The following GRIA4 variants were observed in gnomAD, a reference collection of about 807,000 sequenced individuals.
GRIA4 encodes the protein glutamate receptor 4.
In GRIA4, 34 loss-of-function variants were observed where a neutral mutation model predicts 104.0. The ratio of observed to expected loss-of-function variants is 0.33; its 90% CI spans 0.25 to 0.44. The LOEUF is 0.44. GRIA4 is among the 20% of genes least tolerant of loss of function. The probability of loss-of-function intolerance (pLI) is 1.00; values close to 1 mark genes in which losing one functional copy is unlikely to be tolerated. For missense variants in GRIA4, 750 were observed against 1,096.5 expected (o/e 0.68, Z 4.46); for synonymous variants, 386 against 381.9 (o/e 1.01, Z -0.13).
chr11:105,848,274 A>G (rs565186460), intron 4 of GRIA4, among the ~76,000 whole-genome samples: 42 of 152,334 alleles, frequency 2.8e-4, no homozygotes, highest in African/African-American at 9.4e-4. Flanking sequence ...TTGAAATTGT[A>G]AACTCTTGTG....
chr11:105,920,275 T>A (rs1486339101), intron 11 of GRIA4, among the ~76,000 whole-genome samples: 1 of 152,192 alleles, frequency 6.6e-6, no homozygotes, highest in African/African-American at 2.4e-5. Context: ...GACTGTTTCA[T>A]ATTGAGCTTT....
chr11:105,639,798 C>G (rs1951308309), intron 3 of GRIA4, among the ~76,000 whole-genome samples: 2 of 151,948 alleles, frequency 1.3e-5, no homozygotes, highest in Non-Finnish European at 2.9e-5. Flanking sequence ...CAGTGTTCTT[C>G]CATTGTTCCA....
intron 1 of GRIA4, chr11:105,610,657 T>C (rs1355735765): frequency 1.2e-5 from 3 of 245,038 alleles, no homozygotes; most frequent in African/African-American, 2.3e-5. Flanking sequence ...GAGGCAAAGA[T>C]AGAGCGCATG....
chr11:105,687,632 A>G (rs922906164), intron 3 of GRIA4, among the ~76,000 whole-genome samples: 2 of 152,230 alleles, frequency 1.3e-5, no homozygotes, highest in African/African-American at 4.8e-5. Context: ...TGCTGTCTAT[A>G]GATATAAAGC....
chr11:105,924,361 A>AT, intron 11 of GRIA4, 38 bp from the exon 12 acceptor site: 1 of 1,480,042 alleles, frequency 6.8e-7, no homozygotes, highest in Non-Finnish European at 9.1e-7. Context: ...CATGAAATTC[A>AT]TTAACCTATG....
chr11:105,755,338 C>A (rs192162640), intron 4 of GRIA4, among the ~76,000 whole-genome samples: 1 of 152,050 alleles, frequency 6.6e-6, no homozygotes. Context: ...GCCTTTTATT[C>A]CCTCTAAAAT....
At chr11:105,978,044 A>G (rs1342840701) in intron 16 of GRIA4, among the ~76,000 whole-genome samples, 1 of 152,068 alleles carries the variant, frequency 6.6e-6, no homozygotes, top group Non-Finnish European at 1.5e-5. Context: ...TTAAGGTACA[A>G]TTTACATACA....
intron 3 of GRIA4, among the ~76,000 whole-genome samples, chr11:105,628,540 G>T (rs577464096): frequency 6.6e-6 from 1 of 151,968 alleles, no homozygotes; most frequent in African/African-American, 2.4e-5. Context: ...CTCTTTGCTC[G>T]GCACTTCTCT....
At chr11:105,941,311 C>T (rs1168891062) in intron 14 of GRIA4, among the ~76,000 whole-genome samples, 1 of 152,012 alleles carries the variant, frequency 6.6e-6, no homozygotes, top group Non-Finnish European at 1.5e-5. Context: ...TATTTGTTAA[C>T]AGATGTCTAC....
At chr11:105,971,483 C>CA (rs1858688061) in intron 14 of GRIA4, among the ~76,000 whole-genome samples, 2 of 152,118 alleles carry the variant, frequency 1.3e-5, no homozygotes, top group Admixed American at 1.3e-4. Context: ...ATACCATAAG[C>CA]TGAATCATAA....
intron 6 of GRIA4, among the ~76,000 whole-genome samples, chr11:105,889,534 C>T (rs1047415653): frequency 6.6e-6 from 1 of 152,086 alleles, no homozygotes; most frequent in South Asian, 2.1e-4. Flanking sequence ...TTTTTGAGAG[C>T]TATGTGCATA....
Position 105,766,406 on chromosome 11 carries a change from A to AT in GRIA4, c.487+13190dup, listed in dbSNP as rs566944735. Reference sequence around the variant, plus strand: ...AGTTAATCTCTACATAAAATAATGGATTTTCACTTATCTCAAGTCATAATT... The same window carrying AT: ...AGTTAATCTCTACATAAAATAATGGATTTTTCACTTATCTCAAGTCATAATT... On this transcript the variant is annotated intron_variant, in intron 4 of 16. Coordinates refer to ENST00000282499, the MANE Select transcript of GRIA4 (RefSeq NM_000829.4). 2.4e-3 allele frequency among the ~76,000 whole-genome samples: 360 copies of AT among 152,152 alleles called. 1 individual carries two copies. The highest frequency in any genetic ancestry group is 8.0e-3 in the African/African-American group (333 of 41,536).
intron 15 of GRIA4, among the ~76,000 whole-genome samples, chr11:105,972,243 C>G (rs1858735467): frequency 6.6e-6 from 1 of 152,164 alleles, no homozygotes; most frequent in African/African-American, 2.4e-5. Flanking sequence ...TAAATTAAAA[C>G]TGCAAAAATT....
intron 5 of GRIA4, among the ~76,000 whole-genome samples, chr11:105,885,313 G>A (rs1027238797): frequency 1.3e-5 from 2 of 152,100 alleles, no homozygotes; most frequent in Non-Finnish European, 2.9e-5. Context: ...CATAAACCGA[G>A]CTTTCTCCAC....
At chr11:105,769,726 C>T (rs569403298) in intron 4 of GRIA4, among the ~76,000 whole-genome samples, 74 of 152,064 alleles carry the variant, frequency 4.9e-4, no homozygotes, top group Admixed American at 1.1e-3. Flanking sequence ...TGGGAAGAGT[C>T]TGCAGGCAAG....
Position 105,747,658 on chromosome 11 carries a change from A to G in GRIA4, c.248-5323A>G, listed in dbSNP as rs140894909. 1.8e-3 allele frequency among the ~76,000 whole-genome samples: 270 copies of G among 152,322 alleles called. 4 individuals are homozygous for G. In the East Asian group the frequency reaches 0.041, roughly 23 times the overall value. On this transcript the variant is annotated intron_variant, in intron 3 of 16. Coordinates refer to ENST00000282499, the MANE Select transcript of GRIA4 (RefSeq NM_000829.4). ...AGAAAAGTTGACAAACCTAGTAGAT[A>G]GTTTACTATTGGGAGAGATGTGTAT...
chr11:105,652,548 T>C (rs902017730), intron 3 of GRIA4, among the ~76,000 whole-genome samples: 3 of 152,206 alleles, frequency 2.0e-5, no homozygotes, highest in East Asian at 1.9e-4. Context: ...TTTTACAAAA[T>C]TGATTTTCCA....
intron 14 of GRIA4, chr11:105,965,868 T>G: frequency 1.0e-6 from 1 of 1,001,492 alleles, no homozygotes; most frequent in Non-Finnish European, 1.5e-6. Flanking sequence ...GAGAAGCTTA[T>G]AAAGAGCTTA....
At chr11:105,631,047 T>A (rs1176841603) in intron 3 of GRIA4, among the ~76,000 whole-genome samples, 1 of 152,194 alleles carries the variant, frequency 6.6e-6, no homozygotes, top group Non-Finnish European at 1.5e-5. Context: ...ACTCCCCACC[T>A]TGTTTATTAC....
Sources: gnomAD v4.1 joint callset for allele counts (sites outside exome capture counted in the v4.1 genomes callset) on GRCh38, gnomAD v4.1.1 for gene constraint, MANE v1.5 for transcripts, NCBI Gene and HGNC (gene_info 2026-07-23, HGNC 2026-07-21) for gene names.